Variants in ARAP2 observed in about 807,000 individuals in gnomAD.
ARAP2 encodes the protein ArfGAP with RhoGAP domain, ankyrin repeat and PH domain 2.
Under a neutral mutation model 194.5 loss-of-function variants are expected in ARAP2, and 148 were observed. The observed-to-expected ratio is 0.76, with a 90% CI of 0.67 to 0.87. The LOEUF (loss-of-function observed/expected upper bound fraction) is 0.87, where lower values mean the gene tolerates loss of function less well. Ranked by LOEUF, ARAP2 falls within the 40% of genes least tolerant of loss-of-function variation. The pLI is 0.00. For missense variants in ARAP2, 2,128 were observed against 1,989.7 expected (o/e 1.07, Z -1.32); for synonymous variants, 695 against 683.5 (o/e 1.02, Z -0.26).
At chr4:36,167,184 A>G (rs1306522858) in intron 9 of ARAP2, 137 bp from the exon 10 acceptor site, 15 of 582,956 alleles carry the variant, frequency 2.6e-5, no homozygotes, top group Middle Eastern at 4.5e-4. Context: ...AGCCACTCTC[A>G]ATACATAATA....
intron 2 of ARAP2, chr4:36,052,101 A>C (rs1722766221): frequency 6.6e-6 from 1 of 152,206 alleles, no homozygotes; most frequent in Non-Finnish European, 1.5e-5. Context: ...AATTTTCTGA[A>C]AGTTAAATGT....
At chr4:36,177,604 C>T (rs182702942) in intron 9 of ARAP2, among the ~76,000 whole-genome samples, 1 of 151,986 alleles carries the variant, frequency 6.6e-6, no homozygotes, top group African/African-American at 2.4e-5. Flanking sequence ...TCCTCAATAC[C>T]ACAAAAGGTG....
At chr4:36,241,240 G>A (rs1001904566) in intron 1 of ARAP2, among the ~76,000 whole-genome samples, 4 of 152,152 alleles carry the variant, frequency 2.6e-5, no homozygotes, top group Admixed American at 2.6e-4. Context: ...TTTCAGAATA[G>A]CCTACTGTGT....
chr4:36,054,110 T>C (rs1723114946), intron 2 of ARAP2, among the ~76,000 whole-genome samples: 1 of 152,200 alleles, frequency 6.6e-6, no homozygotes, highest in African/African-American at 2.4e-5. Context: ...GAATGCTTCA[T>C]ACATCACTAC....
chr4:36,058,562 T>C (rs1322729409), intron 1 of ARAP2, among the ~76,000 whole-genome samples: 1 of 152,198 alleles, frequency 6.6e-6, no homozygotes, highest in Non-Finnish European at 1.5e-5. Flanking sequence ...TATTCCTCAT[T>C]CCAGCAACAG....
At chr4:36,237,929 GA>G (rs1243561049) in intron 1 of ARAP2, among the ~76,000 whole-genome samples, 2 of 152,212 alleles carry the variant, frequency 1.3e-5, no homozygotes, top group African/African-American at 2.4e-5. Context: ...GTGTTTTAGA[GA>G]AAATATGCTT....
chr4:36,225,065 CAGG>C (rs1750002321), intron 2 of ARAP2, among the ~76,000 whole-genome samples: 2 of 152,224 alleles, frequency 1.3e-5, no homozygotes, highest in East Asian at 3.9e-4. Context: ...TCAAAGAACA[CAGG>C]AGACTTCAGG....
intron 9 of ARAP2, among the ~76,000 whole-genome samples, chr4:36,007,472 T>C (rs559991758): frequency 2.0e-4 from 31 of 152,278 alleles, no homozygotes; most frequent in African/African-American, 6.7e-4. Flanking sequence ...AAGCCAAAAA[T>C]TGTTTGAAGC....
chr4:36,219,007 G>A (rs547970776), intron 2 of ARAP2, among the ~76,000 whole-genome samples: 1 of 152,258 alleles, frequency 6.6e-6, no homozygotes, highest in Admixed American at 6.5e-5. Context: ...TAGTTATCAT[G>A]AAATGCAAAT....
At chr4:36,106,748 A>C (rs990951335) in intron 27 of ARAP2, among the ~76,000 whole-genome samples, 8 of 151,918 alleles carry the variant, frequency 5.3e-5, no homozygotes, top group African/African-American at 1.5e-4. Flanking sequence ...AAAATTCAAA[A>C]GGTAATATAA....
chr4:36,114,046 A>T (rs1720701256), intron 26 of ARAP2, 124 bp downstream of exon 26: 1 of 734,342 alleles, frequency 1.4e-6, no homozygotes, highest in Admixed American at 2.5e-5. Flanking sequence ...ATATTAATAC[A>T]TGCACTAAGG....
At position 36,014,234 on chromosome 4, in the gene ARAP2, A is replaced by G. The variant is rs1055818778; in HGVS notation, n.1056+1152T>C. ...AAAGTGAGACCCTATCGAAAGAAAG[A>G]AAGAAAGAAAGAAAGAAAGAAAGAA... On this transcript the variant is annotated intron_variant and non_coding_transcript_variant, in intron 8 of 12. Transcript: ENST00000503225. Among the ~76,000 whole-genome samples the G allele has an allele frequency of 2.8e-3, 212 of 76,440 alleles. 6 individuals are homozygous for G. The highest frequency in any genetic ancestry group is 7.9e-3 in the African/African-American group (199 of 25,070). 50.1% of individuals were successfully genotyped at this position (76,440 alleles called of 152,430 possible).
intron 5 of ARAP2, among the ~76,000 whole-genome samples, chr4:36,020,353 G>C (rs925891414): frequency 1.3e-5 from 2 of 152,186 alleles, no homozygotes; most frequent in Non-Finnish European, 2.9e-5. Context: ...AGAGGTTGCA[G>C]TAAGCTGAGA....
At chr4:36,083,577 A>T (rs1460176215) in intron 28 of ARAP2, 127 bp from the exon 29 acceptor site, 1 of 660,608 alleles carries the variant, frequency 1.5e-6, no homozygotes, top group Non-Finnish European at 2.5e-6. Context: ...ACATTTCATG[A>T]GTTTAGTAAA....
chr4:36,120,253 T>A (rs1577959540), intron 23 of ARAP2, among the ~76,000 whole-genome samples: 2 of 151,540 alleles, frequency 1.3e-5, no homozygotes, highest in Non-Finnish European at 3.0e-5. Context: ...TGGACACATA[T>A]AGAAAGAAGT....
chr4:36,195,399 C>A (rs1307676569), intron 6 of ARAP2, among the ~76,000 whole-genome samples: 1 of 152,146 alleles, frequency 6.6e-6, no homozygotes, highest in Non-Finnish European at 1.5e-5. Flanking sequence ...AAATATTAAG[C>A]AAACACAATA....
rs1170173249 is a variant in ARAP2, at chr4:36,147,528, G to A, written c.3199+20C>T. 7 of 1,596,030 alleles carry A rather than the reference G, an allele frequency of 4.4e-6. No homozygotes were observed. The South Asian group carries it at 8.0e-5, about 18-fold the overall frequency. On this transcript the variant is annotated intron_variant, in intron 18 of 32. Coordinates refer to ENST00000303965, the MANE Select transcript of ARAP2 (RefSeq NM_015230.4). ...ATAAAGAAAAGTGTTCCAAAGATAA[G>A]GGAAGAAAAAAGCTCTTACTTAGCT...
rs766173419 is a variant in ARAP2 at position 36,228,789 on chromosome 4, G to A, written c.698C>T (p.Thr233Ile). The A allele has an allele frequency of 2.5e-6, 4 of 1,613,968 alleles. No homozygotes were observed. Among genetic ancestry groups the A allele is most frequent in the Non-Finnish European group, 3.4e-6 (4 of 1,180,002 alleles). ...STSGTNSGNG[T>I]NGLLEGSPPS... ...TGGTGATCCTTCTAATAAACCATTTGTTCCATTTCCAGAATTTGTTCCTGA... is the reference window on the plus strand; with the variant it reads ...TGGTGATCCTTCTAATAAACCATTTATTCCATTTCCAGAATTTGTTCCTGA... Residue 233 changes from threonine to isoleucine, a missense_variant, in exon 2 of 33, where the codon ACA becomes ATA. By Grantham distance (89) the Thr-to-Ile change is moderately conservative. Transcript: ENST00000303965.
intron 5 of ARAP2, among the ~76,000 whole-genome samples, chr4:36,019,666 C>G (rs1445526452): frequency 6.6e-6 from 1 of 151,520 alleles, no homozygotes; most frequent in Admixed American, 6.6e-5. Context: ...AGAAGACAGT[C>G]AAAGGTAGAT....
Sources: allele counts gnomAD v4.1 joint callset (sites outside exome capture counted in the v4.1 genomes callset), GRCh38; gene constraint gnomAD v4.1.1; transcripts MANE v1.5; gene names NCBI Gene and HGNC (gene_info 2026-07-23, HGNC 2026-07-21).